Variants in HMCN2 observed in about 807,000 individuals in gnomAD.
HMCN2 encodes the protein hemicentin-2.
A neutral mutation model predicts 377.5 loss-of-function variants in HMCN2; 325 were observed. The ratio of observed to expected loss-of-function variants is 0.86; its 90% CI spans 0.79 to 0.94. The LOEUF (loss-of-function observed/expected upper bound fraction) is 0.94, where lower values mean the gene tolerates loss of function less well. HMCN2 is among the 40% of genes least tolerant of loss of function. HMCN2 has a pLI of 0.00. For missense variants in HMCN2, 4,543 were observed against 4,725.3 expected (o/e 0.96, Z 1.13); for synonymous variants, 2,007 against 2,046.8 (o/e 0.98, Z 0.53).
At chr9:130,367,509 CTCCAAGGGGTCTTCT>C (rs1309044890) in intron 43 of HMCN2, among the ~76,000 whole-genome samples, 1 of 152,154 alleles carries the variant, frequency 6.6e-6, no homozygotes, top group African/African-American at 2.4e-5. Context: ...AATCCTCTTC[CTCCAAGGGGTCTTCT>C]TGATGCCAGG....
chr9:130,269,187 A>C (rs1554920262), intron 1 of HMCN2, among the ~76,000 whole-genome samples: 1 of 147,580 alleles, frequency 6.8e-6, no homozygotes, highest in African/African-American at 2.4e-5. Context: ...GAAATTTTAC[A>C]GTTTCTAAAT....
At position 130,424,877 on chromosome 9, in the gene HMCN2, A is replaced by G; in HGVS notation, c.13483A>G (p.Arg4495Gly). Reference sequence around the variant, plus strand: ...GAATGGCCACTCTCTGACTGGGGGCAGGTTCCGGCAGGAGTCACACGTGGA... The same window carrying G: ...GAATGGCCACTCTCTGACTGGGGGCGGGTTCCGGCAGGAGTCACACGTGGA... The part of the protein sequence containing the change: ...ALNGHSLTGG[R>G]FRQESHVEFA... The change falls in exon 88 of 98, where the codon AGG (arginine) becomes GGG (glycine). Residue 4495 changes from arginine to glycine, a missense_variant. Physicochemically the swap from Arg to Gly is moderately radical, Grantham distance 125 (BLOSUM62 -2). This residue lies in a region of HMCN2 where 1,155 missense variants were observed against 1,157.7 expected (regional missense o/e 1.00). Transcript: ENST00000683500. 6.8e-7 allele frequency: 1 copy of G among 1,460,580 alleles called. No homozygotes were observed. The highest frequency in any genetic ancestry group is 9.1e-7 in the Non-Finnish European group (1 of 1,101,142). The allele number at this position is 1,460,580 out of a possible 1,614,324, so 90.5% of individuals were successfully genotyped here. A position where few individuals can be genotyped will look rare whatever the true frequency, so the allele number is the denominator to read the frequency against.
chr9:130,275,122 C>T (rs1458492149), intron 1 of HMCN2, among the ~76,000 whole-genome samples: 2 of 149,808 alleles, frequency 1.3e-5, no homozygotes, highest in African/African-American at 5.0e-5. Context: ...CGGGACATCA[C>T]TCTGCCATTT....
At chr9:130,424,152 CATAT>C (rs34210773) in intron 87 of HMCN2, among the ~76,000 whole-genome samples, 1,981 of 135,774 alleles carry the variant, frequency 0.015, 32 homozygotes, top group African/African-American at 0.044. Context: ...GGCTAATGTC[CATAT>C]ATATATATAT....
At position 130,424,897 on chromosome 9, in the gene HMCN2, C is replaced by G; in HGVS notation, c.13503C>G (p.His4501Gln). ...LTGGRFRQESHVEFATGELLT... is the reference protein window; with the variant it reads ...LTGGRFRQESQVEFATGELLT... The stretch of plus-strand genomic sequence containing the variant: ...GGGGCAGGTTCCGGCAGGAGTCACA[C>G]GTGGAGTTTGCTACAGGTAAACAGG... The change falls in exon 88 of 98, where the codon CAC becomes CAG. Residue 4501 changes from histidine (H) to glutamine (Q), a missense_variant. By Grantham distance (24) the His-to-Gln change is conservative. Around this residue, in one of 5 missense-constraint regions of HMCN2, gnomAD observed 1,155 missense variants for 1,157.7 expected, o/e 1.00. Coordinates refer to ENST00000683500, the MANE Select transcript of HMCN2 (RefSeq NM_001291815.2). 3.4e-6 allele frequency: 5 copies of G among 1,461,164 alleles called. No individual in the cohort carries two copies. The highest frequency in any genetic ancestry group is 3.6e-6 in the Non-Finnish European group (4 of 1,100,990). 90.5% of individuals were successfully genotyped at this position (1,461,164 alleles called of 1,614,324 possible). A position where few individuals can be genotyped will look rare whatever the true frequency, so the allele number is the denominator to read the frequency against.
chr9:130,417,548 C>CAT (rs1843765928), intron 85 of HMCN2, among the ~76,000 whole-genome samples: 1 of 133,586 alleles, frequency 7.5e-6, no homozygotes, highest in Non-Finnish European at 1.5e-5. Context: ...CAAAAAAAAA[C>CAT]GAGAGAGACA....
chr9:130,346,813 C>T (rs1839416135), intron 25 of HMCN2, among the ~76,000 whole-genome samples: 1 of 151,430 alleles, frequency 6.6e-6, no homozygotes, highest in East Asian at 2.0e-4. Flanking sequence ...TGGAGGACGA[C>T]GGCTGAAAAG....
In HMCN2 at chr9:130,349,526, C is replaced by T; in HGVS notation, c.4304-11C>T. 7.7e-7 allele frequency: 1 copy of T among 1,301,874 alleles called. No individual in the cohort carries two copies. Among genetic ancestry groups the T allele is most frequent in the Non-Finnish European group, 1.0e-6 (1 of 988,498 alleles). 80.6% of individuals were successfully genotyped at this position (1,301,874 alleles called of 1,614,324 possible). ...AACAGTTTCCCACCCCTCACGCCTT[C>T]TCACCCCCAGCCCCTCCTTCCGTGC... is the stretch of plus-strand genomic sequence containing the variant. On this transcript the variant is annotated splice_polypyrimidine_tract_variant and intron_variant, in intron 28 of 97. Transcript: ENST00000683500.
intron 61 of HMCN2, among the ~76,000 whole-genome samples, chr9:130,387,044 T>G (rs1191846698): frequency 6.6e-6 from 1 of 152,202 alleles, no homozygotes; most frequent in Non-Finnish European, 1.5e-5. Context: ...ATGTGGGCAC[T>G]AAGATGAAGG....
rs947232659 is a variant in HMCN2 at position 130,304,833 on chromosome 9, G to T, written c.1647G>T (p.Thr549=). 1 of 471,168 alleles carries T rather than the reference G, an allele frequency of 2.1e-6. No individual in the cohort carries two copies. 29.2% of individuals were successfully genotyped at this position (471,168 alleles called of 1,614,324 possible). The part of the protein sequence containing the change: ...RVLGEAPYNL[T]WVRDWRVLPA... ...TAGGCGAGGCCCCCTACAACCTGAC[G>T]TGGGTCCGGGACTGGCGAGTCCTGC... The change falls in exon 11 of 98, where the codon ACG becomes ACT. Residue 549 remains threonine (T), a synonymous_variant. Coordinates refer to ENST00000683500, the MANE Select transcript of HMCN2 (RefSeq NM_001291815.2). This position sits in a 1 kb window ranked among gnomAD's most constrained non-coding sequence, Gnocchi z 4.3.
At position 130,394,117 on chromosome 9, in the gene HMCN2, C is replaced by T. The variant is rs1338606767; in HGVS notation, c.10501+109C>T. Reference sequence around the variant, plus strand: ...AGGTGAGTCCCCTGGAGACCTGGGACTGCCACCTGGGAGCAGAACTCAGGG... The same window carrying T: ...AGGTGAGTCCCCTGGAGACCTGGGATTGCCACCTGGGAGCAGAACTCAGGG... On this transcript the variant is annotated intron_variant, in intron 68 of 97. Transcript: ENST00000683500. The surrounding 1 kb of genome is among the most constrained non-coding windows in gnomAD (Gnocchi z 5.1). The T allele has an allele frequency of 2.9e-6, 3 of 1,035,232 alleles. No individual in the cohort carries two copies. The highest frequency in any genetic ancestry group is 3.4e-5 in the African/African-American group (2 of 59,302). 64.1% of individuals were successfully genotyped at this position (1,035,232 alleles called of 1,614,324 possible). A position where few individuals can be genotyped will look rare whatever the true frequency, so the allele number is the denominator to read the frequency against.
At chr9:130,409,576 T>G (rs1843303391) in intron 84 of HMCN2, among the ~76,000 whole-genome samples, 1 of 152,178 alleles carries the variant, frequency 6.6e-6, no homozygotes, top group African/African-American at 2.4e-5. Flanking sequence ...ATAAGAGCAG[T>G]AGTAAGAGCA....
chr9:130,355,150 A>G (rs1588296209), intron 32 of HMCN2, 106 bp downstream of exon 32: 38 of 925,146 alleles, frequency 4.1e-5, no homozygotes, highest in Non-Finnish European at 5.4e-5. Context: ...GAGGGTGGGG[A>G]GAAGTAACCA....
chr9:130,351,520 T>C lies in HMCN2; in HGVS notation c.4528T>C (p.Cys1510Arg), dbSNP rs1839714891. Reference sequence around the variant, plus strand: ...CGTGGGGGATGAGGGACGATACCAGTGCGTGGCCTTCAGCCCAGCTGGTCA... The same window carrying C: ...CGTGGGGGATGAGGGACGATACCAGCGCGTGGCCTTCAGCCCAGCTGGTCA... ...SHVGDEGRYQ[C>R]VAFSPAGQQA... Residue 1510 changes from cysteine to arginine, a missense_variant, in exon 30 of 98, where the codon TGC becomes CGC. Physicochemically the swap from Cys to Arg is radical, Grantham distance 180. This residue lies in a region of HMCN2 where 1,032 missense variants were observed against 1,285.1 expected (regional missense o/e 0.80). Coordinates refer to ENST00000683500, the MANE Select transcript of HMCN2 (RefSeq NM_001291815.2). The surrounding 1 kb of genome is among the most constrained non-coding windows in gnomAD (Gnocchi z 5.4). 1.5e-6 allele frequency: 2 copies of C among 1,304,070 alleles called. No homozygotes were observed. Among genetic ancestry groups the C allele is most frequent in the African/African-American group, 3.0e-5 (2 of 65,840 alleles). The allele number at this position is 1,304,070 out of a possible 1,614,324, so 80.8% of individuals were successfully genotyped here. A position where few individuals can be genotyped will look rare whatever the true frequency, so the allele number is the denominator to read the frequency against.
Position 130,408,941 on chromosome 9 carries a change from G to A in HMCN2, c.12879+8G>A, listed in dbSNP as rs1199261998. 17 of 1,286,626 alleles carry A rather than the reference G, an allele frequency of 1.3e-5. No individual in the cohort carries two copies. Among genetic ancestry groups the A allele is most frequent in the African/African-American group, 4.6e-5 (3 of 65,818 alleles). 79.7% of individuals were successfully genotyped at this position (1,286,626 alleles called of 1,614,324 possible). ...ACCATCCGCAGGACTGAGGCAAGGC[G>A]GGGCCTGGCACCTTGGGTGGGGCCA... On this transcript the variant is annotated splice_region_variant and intron_variant, in intron 84 of 97. Coordinates refer to ENST00000683500, the MANE Select transcript of HMCN2 (RefSeq NM_001291815.2).
At chr9:130,318,289 C>G (rs1466364947) in intron 15 of HMCN2, among the ~76,000 whole-genome samples, 2 of 151,816 alleles carry the variant, frequency 1.3e-5, no homozygotes, top group Admixed American at 1.3e-4. Context: ...TTTCTGGAGA[C>G]AGATGGAAAG....
rs1554972523 is a variant in HMCN2 at position 130,416,106 on chromosome 9, T to TTA, written c.12962-2665_12962-2664insAT. On this transcript the variant is annotated intron_variant, in intron 85 of 97. Transcript: ENST00000683500. The stretch of plus-strand genomic sequence containing the variant: ...CCAAAGTTCTAGAGGCTTTATTTTT[T>TTA]TTTTTTTTTTTTTTTGGAGACAGAG... Among the ~76,000 whole-genome samples the TTA allele has an allele frequency of 1.8e-4, 26 of 145,826 alleles. No homozygotes were observed. In the East Asian group the frequency reaches 2.7e-3, roughly 15 times the overall value.
chr9:130,428,317 G>A lies in HMCN2; in HGVS notation c.14066-41G>A. Reference sequence around the variant, plus strand: ...GGGTCAGGTGGCGAGGCACGCCTGGGGATCATGTTCACACAGCCGTCTGCC... The same window carrying A: ...GGGTCAGGTGGCGAGGCACGCCTGGAGATCATGTTCACACAGCCGTCTGCC... On this transcript the variant is annotated intron_variant, in intron 92 of 97. Transcript: ENST00000683500. This position sits in a 1 kb window ranked among gnomAD's most constrained non-coding sequence, Gnocchi z 5.0. 1 of 1,494,738 alleles carries A rather than the reference G, an allele frequency of 6.7e-7. No homozygotes were observed. The highest frequency in any genetic ancestry group is 9.0e-7 in the Non-Finnish European group (1 of 1,115,376). 92.6% of individuals were successfully genotyped at this position (1,494,738 alleles called of 1,614,324 possible). A position where few individuals can be genotyped will look rare whatever the true frequency, so the allele number is the denominator to read the frequency against.
chr9:130,388,672 G>GC lies in HMCN2; in HGVS notation c.9523+143dup, dbSNP rs35750041. On this transcript the variant is annotated intron_variant, in intron 62 of 97. Transcript: ENST00000683500. ...AACCAGAGACTGGCAGTGCCGTGTT[G>GC]CCCCCCCCCCCACCATTTGTGTTTG... 4.2e-3 allele frequency: 1,050 copies of GC among 248,754 alleles called. 11 individuals carry two copies. The highest frequency in any genetic ancestry group is 0.02 in the African/African-American group (832 of 42,112). The allele number at this position is 248,754 out of a possible 1,614,324, so 15.4% of individuals were successfully genotyped here.
Sources: gnomAD v4.1 joint callset for allele counts (sites outside exome capture counted in the v4.1 genomes callset) on GRCh38, gnomAD v4.1.1 for gene constraint, gnomAD v4.1.1 regional missense constraint, Gnocchi (gnomAD v3.1) non-coding constraint, MANE v1.5 for transcripts, NCBI Gene and HGNC (gene_info 2026-07-23, HGNC 2026-07-21) for gene names.